Variants in ABCA9 observed in about 807,000 individuals in gnomAD.
ABCA9 encodes ATP-binding cassette sub-family A member 9.
ABCA9 carries 183 observed loss-of-function variants against 205.3 expected under a neutral mutation model. The observed-to-expected ratio is 0.89, with a 90% CI of 0.79 to 1.01. The LOEUF (loss-of-function observed/expected upper bound fraction) is 1.01. Among genes scored for constraint, ABCA9 ranks in the 50% least tolerant of loss-of-function variants. The probability of loss-of-function intolerance (pLI) is 0.00; values close to 1 mark genes in which losing one functional copy is unlikely to be tolerated. For synonymous variants in ABCA9, 651 were observed against 683.3 expected, an observed-to-expected ratio of 0.95 and a Z score of 0.74; for missense variants, 1,805 against 1,912.4, an observed-to-expected ratio of 0.94 and a Z score of 1.05.
At chr17:69,074,486 T>C in the ABCA9 span, among the ~76,000 whole-genome samples, 3 of 152,188 alleles carry the variant, frequency 2.0e-5, no homozygotes, top group Non-Finnish European at 4.4e-5. Context: ...CACTTATAAG[T>C]GAGAACATGT....
At chr17:69,004,220 T>A (rs746464104) in intron 25 of ABCA9, among the ~76,000 whole-genome samples, 1 of 152,222 alleles carries the variant, frequency 6.6e-6, no homozygotes, top group Non-Finnish European at 1.5e-5. Flanking sequence ...CCAGTTTTTC[T>A]GTTCTGTTTT....
At position 69,017,701 on chromosome 17, in the gene ABCA9, A is replaced by G. The variant is rs1308418119; in HGVS notation, c.2856T>C (p.Asp952=). 6.2e-7 allele frequency: 1 copy of G among 1,613,456 alleles called. No individual in the cohort carries two copies. The highest frequency in any genetic ancestry group is 1.7e-5 in the Admixed American group (1 of 59,984). ...VDAFGTRNGT[D]DPSYNGAIIV... ...TGATAGCACCATTGTAAGATGGGTC[A>G]TCTGTGCCATTTCTAGTTCCAAAGG... is the stretch of plus-strand genomic sequence containing the variant. The change falls in exon 21 of 39, where the codon GAT becomes GAC. Residue 952 remains aspartate, a synonymous_variant. Coordinates refer to ENST00000340001, the MANE Select transcript of ABCA9 (RefSeq NM_080283.4).
chr17:69,020,264 C>A (rs1190649326), intron 19 of ABCA9, 124 bp downstream of exon 19: 2 of 894,434 alleles, frequency 2.2e-6, no homozygotes, highest in African/African-American at 1.7e-5. Flanking sequence ...AAAATGATTT[C>A]TTTGTTTAAA....
chr17:68,976,721 C>A (rs1450549772), intron 37 of ABCA9, among the ~76,000 whole-genome samples: 1 of 152,184 alleles, frequency 6.6e-6, no homozygotes, highest in East Asian at 1.9e-4. Context: ...CTCTCTTAGT[C>A]CCTCTGGACC....
intron 10 of ABCA9, among the ~76,000 whole-genome samples, chr17:69,031,838 A>G (rs184854547): frequency 7.2e-5 from 11 of 152,358 alleles, no homozygotes; most frequent in African/African-American, 2.6e-4. Flanking sequence ...GAGGAGAAAT[A>G]AGAAAGATAA....
chr17:69,005,045 C>T (rs528252588), intron 25 of ABCA9, among the ~76,000 whole-genome samples: 179 of 152,244 alleles, frequency 1.2e-3, no homozygotes, highest in Middle Eastern at 3.4e-3. Context: ...GAGATGAACC[C>T]GCTACCTCAG....
intron 26 of ABCA9, among the ~76,000 whole-genome samples, chr17:68,995,169 A>G (rs2069576692): frequency 6.6e-6 from 1 of 152,096 alleles, no homozygotes; most frequent in Non-Finnish European, 1.5e-5. Context: ...TGATGGTTTA[A>G]TCACTCCCTC....
At chr17:69,016,127 C>T (rs201087990) in intron 22 of ABCA9, 126 bp downstream of exon 22, 116 of 266,686 alleles carry the variant, frequency 4.3e-4, no homozygotes, top group East Asian at 3.8e-3. Context: ...TATATATACA[C>T]ACACACACAC....
intron 6 of ABCA9, among the ~76,000 whole-genome samples, chr17:69,036,525 A>G (rs2071343723): frequency 6.6e-6 from 1 of 152,144 alleles, no homozygotes; most frequent in Admixed American, 6.6e-5. Context: ...GAGCTCCTAA[A>G]GGAAGCACTA....
In ABCA9 at chr17:69,023,819, C is replaced by A. The variant is rs2070895793; in HGVS notation, c.2281+395G>T. Among the ~76,000 whole-genome samples the A allele has an allele frequency of 6.6e-6, 1 of 151,954 alleles. No individual in the cohort carries two copies. The highest frequency in any genetic ancestry group is 2.1e-4 in the South Asian group (1 of 4,826). ...GTATGTGCTGGTGTTTCTAAAACAA[C>A]CTATTTATTGTGTACAATTCTTTCA... is the stretch of plus-strand genomic sequence containing the variant. On this transcript the variant is annotated intron_variant, in intron 17 of 38. Transcript: ENST00000340001. The surrounding 1 kb of genome is among the most constrained non-coding windows in gnomAD (Gnocchi z 4.2).
chr17:68,986,905 C>T (rs1482653523), intron 31 of ABCA9, among the ~76,000 whole-genome samples: 6 of 152,084 alleles, frequency 3.9e-5, no homozygotes, highest in African/African-American at 1.4e-4. Context: ...TCCATAATAT[C>T]GAGGTTGAGA....
intron 21 of ABCA9, among the ~76,000 whole-genome samples, chr17:69,016,925 T>C (rs1005256914): frequency 6.6e-6 from 1 of 152,110 alleles, no homozygotes; most frequent in Non-Finnish European, 1.5e-5. Context: ...TTATCCATAT[T>C]GCCCAAAATG....
At chr17:69,061,461 T>G (rs143560052), upstream of ABCA9, among the ~76,000 whole-genome samples, 240 of 152,306 alleles carry the variant, frequency 1.6e-3, 1 homozygote, top group Non-Finnish European at 2.0e-3. Context: ...TGTAATTTTC[T>G]TCAGGGTAAC....
Position 69,007,876 on chromosome 17 carries a change from A to C in ABCA9, c.3322-4T>G, listed in dbSNP as rs1402876057. 1 of 1,568,686 alleles carries C rather than the reference A, an allele frequency of 6.4e-7. No homozygotes were observed. Among genetic ancestry groups the C allele is most frequent in the East Asian group, 2.2e-5 (1 of 44,570 alleles). On this transcript the variant is annotated splice_polypyrimidine_tract_variant and splice_region_variant and intron_variant, in intron 24 of 38. Transcript: ENST00000340001. ...CATAGCCAATACTACACAGGATCTG[A>C]AAACAGAAATGTTAAGGTCCAATAA...
intron 16 of ABCA9, among the ~76,000 whole-genome samples, chr17:69,026,043 T>C (rs2070970703): frequency 1.3e-5 from 2 of 152,012 alleles, no homozygotes; most frequent in Admixed American, 6.6e-5. Flanking sequence ...TACAGGGTAT[T>C]GAAATTGTCA....
chr17:69,014,767 A>G (rs1202313272), intron 22 of ABCA9, among the ~76,000 whole-genome samples: 1 of 152,188 alleles, frequency 6.6e-6, no homozygotes, highest in African/African-American at 2.4e-5. Flanking sequence ...GGAAGCACAG[A>G]GGTTAAAGCA....
At chr17:69,015,284 G>A (rs895536266) in intron 22 of ABCA9, among the ~76,000 whole-genome samples, 1 of 152,104 alleles carries the variant, frequency 6.6e-6, no homozygotes, top group East Asian at 1.9e-4. Context: ...TGAAGTTTGG[G>A]ACTGCACTAG....
intron 2 of ABCA9, among the ~76,000 whole-genome samples, chr17:69,050,259 T>C (rs944993311): frequency 5.3e-5 from 8 of 152,030 alleles, no homozygotes; most frequent in Admixed American, 2.6e-4. Context: ...CTTTTCCCTA[T>C]GCAGGAATTG....
the ABCA9 span, among the ~76,000 whole-genome samples, chr17:69,071,567 C>A: frequency 3.3e-5 from 5 of 152,088 alleles, no homozygotes; most frequent in African/African-American, 7.2e-5. Context: ...AAAGGACGAC[C>A]ACGCAAAAAC....
Sources: gnomAD v4.1 joint callset for allele counts (sites outside exome capture counted in the v4.1 genomes callset) on GRCh38, gnomAD v4.1.1 for gene constraint, Gnocchi (gnomAD v3.1) non-coding constraint, MANE v1.5 for transcripts, NCBI Gene and HGNC (gene_info 2026-07-23, HGNC 2026-07-21) for gene names.